GNA12: variants seen among roughly 807,000 people sequenced by gnomAD.
GNA12 encodes G protein subunit alpha 12.
GNA12 carries 9 observed loss-of-function variants against 26.0 expected under a neutral mutation model. The observed-to-expected ratio is 0.35, with a 90% CI of 0.21 to 0.60. The LOEUF is 0.60. Among genes scored for constraint, GNA12 ranks in the 20% least tolerant of loss-of-function variants. The pLI, the probability that GNA12 is intolerant of heterozygous loss-of-function variation, is 0.78. For missense variants in GNA12, 405 were observed against 525.8 expected (o/e 0.77, Z 2.25); for synonymous variants, 264 against 219.6 (o/e 1.20, Z -1.79).
intron 2 of GNA12, among the ~76,000 whole-genome samples, chr7:2,738,464 G>A (rs547016002): frequency 1.1e-4 from 16 of 152,264 alleles, no homozygotes; most frequent in East Asian, 3.9e-4. Flanking sequence ...GGAGGTTTCC[G>A]ATACCCACTG....
intron 2 of GNA12, among the ~76,000 whole-genome samples, chr7:2,776,466 C>A (rs997418488): frequency 6.6e-6 from 1 of 152,144 alleles, no homozygotes; most frequent in South Asian, 2.1e-4. Context: ...AGCAGCGGAA[C>A]GGGGAGTTAA....
At chr7:2,815,184 T>G (rs1377816592) in intron 1 of GNA12, 2 of 472,480 alleles carry the variant, frequency 4.2e-6, no homozygotes, top group Admixed American at 7.1e-5. Flanking sequence ...GCGAGGTGCC[T>G]GCGGTCCGGC....
chr7:2,813,735 C>G (rs1365298976), intron 1 of GNA12, among the ~76,000 whole-genome samples: 1 of 152,192 alleles, frequency 6.6e-6, no homozygotes, highest in Non-Finnish European at 1.5e-5. Context: ...TCTGGGGCCA[C>G]GCCTAAGTCT....
intron 2 of GNA12, among the ~76,000 whole-genome samples, chr7:2,764,275 A>G (rs997463189): frequency 6.2e-5 from 9 of 145,436 alleles, no homozygotes; most frequent in Non-Finnish European, 9.0e-5. Flanking sequence ...TAAAGATGGG[A>G]TCTCACTATG....
At chr7:2,826,118 C>G (rs1793479417) in intron 1 of GNA12, among the ~76,000 whole-genome samples, 1 of 152,048 alleles carries the variant, frequency 6.6e-6, no homozygotes, top group Non-Finnish European at 1.5e-5. Context: ...GTGGCTCACA[C>G]CTGTAATCCT....
At chr7:2,809,806 G>A (rs1466053400) in intron 1 of GNA12, among the ~76,000 whole-genome samples, 1 of 152,050 alleles carries the variant, frequency 6.6e-6, no homozygotes, top group East Asian at 1.9e-4. Context: ...AAATATTTAT[G>A]TAAATGTAAA....
chr7:2,742,433 T>A (rs1476695544), intron 2 of GNA12, among the ~76,000 whole-genome samples: 1 of 152,200 alleles, frequency 6.6e-6, no homozygotes, highest in Non-Finnish European at 1.5e-5. Context: ...CACTCCATGC[T>A]TGCTGGTCTG....
chr7:2,815,483 C>G (rs1416377540), intron 1 of GNA12, among the ~76,000 whole-genome samples: 1 of 152,160 alleles, frequency 6.6e-6, no homozygotes, highest in African/African-American at 2.4e-5. Flanking sequence ...ATTGGCGGCC[C>G]AGGCTCCACA....
chr7:2,767,579 A>T (rs1791838537), intron 2 of GNA12, among the ~76,000 whole-genome samples: 1 of 151,994 alleles, frequency 6.6e-6, no homozygotes, highest in South Asian at 2.1e-4. Context: ...ACCCTCTCTC[A>T]CACACAAGAA....
chr7:2,780,093 T>TATATATA (rs57390413), intron 2 of GNA12, among the ~76,000 whole-genome samples: 1 of 130,132 alleles, frequency 7.7e-6, no homozygotes, highest in African/African-American at 3.0e-5. Flanking sequence ...TATATATATA[T>TATATATA]GCCTGTTTTC....
At chr7:2,738,971 A>G (rs554557868) in intron 2 of GNA12, among the ~76,000 whole-genome samples, 5 of 152,222 alleles carry the variant, frequency 3.3e-5, no homozygotes, top group African/African-American at 1.2e-4. Context: ...AGCCTGGCAC[A>G]CAGCCACCCC....
At chr7:2,837,233 C>T (rs747075283) in intron 1 of GNA12, among the ~76,000 whole-genome samples, 1 of 152,134 alleles carries the variant, frequency 6.6e-6, no homozygotes, top group Non-Finnish European at 1.5e-5. Flanking sequence ...GGGGGGAAGG[C>T]TGGATTAGCT....
At chr7:2,764,717 C>G (rs1216444953) in intron 2 of GNA12, 1 of 152,206 alleles carries the variant, frequency 6.6e-6, no homozygotes, top group African/African-American at 2.4e-5. Context: ...TGTAGGTGAG[C>G]TGGGTGAACC....
intron 2 of GNA12, among the ~76,000 whole-genome samples, chr7:2,754,003 G>C (rs118087770): frequency 6.6e-6 from 1 of 152,278 alleles, no homozygotes; most frequent in African/African-American, 2.4e-5. Flanking sequence ...AGTGACCAGA[G>C]AATCTACATC....
chr7:2,730,889 T>C lies in GNA12; in HGVS notation c.*292A>G, dbSNP rs1174959282. 1.9e-5 allele frequency: 7 copies of C among 368,190 alleles called. No individual in the cohort carries two copies. Among genetic ancestry groups the C allele is most frequent in the Non-Finnish European group, 3.5e-5 (7 of 198,010 alleles). The allele number at this position is 368,190 out of a possible 1,614,324, so 22.8% of individuals were successfully genotyped here. A position where few individuals can be genotyped will look rare whatever the true frequency, so the allele number is the denominator to read the frequency against. On this transcript the variant is annotated 3_prime_UTR_variant, in exon 4 of 4. Transcript: ENST00000275364. ...AACTGCGTCAGAAAAAGAGGAACGT[T>C]TCTGTAAAAGCAAAGCAAGCTGTGT... is the stretch of plus-strand genomic sequence containing the variant.
chr7:2,753,675 A>C (rs1054723379), intron 2 of GNA12, among the ~76,000 whole-genome samples: 1 of 152,148 alleles, frequency 6.6e-6, no homozygotes, highest in African/African-American at 2.4e-5. Context: ...TGTGGATGTA[A>C]GTTTCATTTC....
intron 2 of GNA12, among the ~76,000 whole-genome samples, chr7:2,771,725 A>T (rs1012684867): frequency 6.6e-6 from 1 of 152,150 alleles, no homozygotes; most frequent in Admixed American, 6.5e-5. Context: ...CCCAATGTTC[A>T]GCTGCCATAA....
chr7:2,815,130 A>G, intron 1 of GNA12: 1 of 787,056 alleles, frequency 1.3e-6, no homozygotes, highest in Admixed American at 3.0e-5. Context: ...TTCCAAGCTC[A>G]CTGGAGAAGG....
intron 1 of GNA12, among the ~76,000 whole-genome samples, chr7:2,837,488 C>A (rs759165154): frequency 6.6e-6 from 1 of 152,188 alleles, no homozygotes; most frequent in Admixed American, 6.5e-5. Context: ...ATTCAAGAAG[C>A]CAAGCAAACC....
Sources: gnomAD v4.1 joint callset for allele counts (sites outside exome capture counted in the v4.1 genomes callset) on GRCh38, gnomAD v4.1.1 for gene constraint, MANE v1.5 for transcripts, NCBI Gene and HGNC (gene_info 2026-07-23, HGNC 2026-07-21) for gene names.